Variants in LARGE1 observed in about 807,000 individuals in gnomAD.
The protein encoded by LARGE1 is xylosyl- and glucuronyltransferase LARGE1.
A neutral mutation model predicts 87.6 loss-of-function variants in LARGE1; 43 were observed. That is an observed-to-expected ratio of 0.49 (90% CI 0.38 to 0.63). LARGE1 has a LOEUF of 0.63. LARGE1 is among the 30% of genes least tolerant of loss of function. The pLI is 0.00. For missense variants in LARGE1, 802 were observed against 1,000.2 expected, an observed-to-expected ratio of 0.80 and a Z score of 2.67; for synonymous variants, 434 against 394.6, an observed-to-expected ratio of 1.10 and a Z score of -1.18.
chr22:33,535,353 G>A (rs770741888), intron 6 of LARGE1, among the ~76,000 whole-genome samples: 44 of 152,112 alleles, frequency 2.9e-4, no homozygotes, highest in Non-Finnish European at 5.0e-4. Flanking sequence ...AGATCAGCCC[G>A]GCCAACATGG....
At chr22:33,238,195 C>A (rs941094396) in intron 11 of LARGE1, among the ~76,000 whole-genome samples, 2 of 152,018 alleles carry the variant, frequency 1.3e-5, no homozygotes, top group Admixed American at 6.5e-5. Context: ...AGGTTAAAAT[C>A]AAATTAGATG....
Position 33,690,450 on chromosome 22 carries a change from T to C in LARGE1, c.107-39782A>G, listed in dbSNP as rs1014040866. On this transcript the variant is annotated intron_variant, in intron 2 of 14. Coordinates refer to ENST00000397394, the MANE Select transcript of LARGE1 (RefSeq NM_133642.5). ...CTCCCAGCAACCCCAGAAATAGGTA[T>C]CTACATCCCCAGGTAAGGCTGGAAG... 2.6e-5 allele frequency among the ~76,000 whole-genome samples: 4 copies of C among 152,032 alleles called. No individual in the cohort carries two copies. The East Asian group carries it at 5.8e-4, about 22-fold the overall frequency.
At position 33,469,700 on chromosome 22, in the gene LARGE1, C is replaced by A. The variant is rs1363881007; in HGVS notation, c.788-37435G>T. Among the ~76,000 whole-genome samples the A allele has an allele frequency of 4.0e-5, 6 of 151,778 alleles. No individual in the cohort carries two copies. In the East Asian group the frequency reaches 1.2e-3, roughly 30 times the overall value. On this transcript the variant is annotated intron_variant, in intron 6 of 14. Transcript: ENST00000397394. ...GAAATTAGCTAGGCATGGGGGCATGCACCTGTAATTCCAGCTACTCGAGAG... is the reference window on the plus strand; with the variant it reads ...GAAATTAGCTAGGCATGGGGGCATGAACCTGTAATTCCAGCTACTCGAGAG...
the LARGE1 span, among the ~76,000 whole-genome samples, chr22:33,088,473 A>C: frequency 2.0e-5 from 3 of 152,314 alleles, no homozygotes; most frequent in East Asian, 5.8e-4. Flanking sequence ...TAGTGTTTTT[A>C]TCGTGTCTGT....
chr22:33,415,268 T>C (rs913883127), intron 7 of LARGE1, among the ~76,000 whole-genome samples: 1 of 152,218 alleles, frequency 6.6e-6, no homozygotes, highest in African/African-American at 2.4e-5. Context: ...AGCTCTGTGA[T>C]GTAATTAGCA....
intron 6 of LARGE1, among the ~76,000 whole-genome samples, chr22:33,452,895 C>A (rs1034791282): frequency 6.6e-6 from 1 of 152,156 alleles, no homozygotes. Flanking sequence ...AAGAAATGAA[C>A]CCTGCACAAT....
chr22:33,093,822 CTTTT>C, the LARGE1 span, among the ~76,000 whole-genome samples: 164 of 81,574 alleles, frequency 2.0e-3, no homozygotes, highest in African/African-American at 6.8e-3. Context: ...TTCTTTCTTT[CTTTT>C]TTTTTTTTTT....
intron 11 of LARGE1, among the ~76,000 whole-genome samples, chr22:33,214,892 C>T (rs893655558): frequency 2.6e-5 from 4 of 152,144 alleles, no homozygotes; most frequent in Admixed American, 2.6e-4. Flanking sequence ...GAGTGCTGGG[C>T]CAGAAAGCAG....
At chr22:33,561,616 T>A (rs950234476) in intron 6 of LARGE1, among the ~76,000 whole-genome samples, 1 of 152,202 alleles carries the variant, frequency 6.6e-6, no homozygotes, top group Non-Finnish European at 1.5e-5. Flanking sequence ...AGTAAGCTAT[T>A]TGGCACCTAG....
In LARGE1 at chr22:33,196,955, T is replaced by C. The variant is rs189726477; in HGVS notation, c.1731-30123A>G. On this transcript the variant is annotated intron_variant, in intron 11 of 11. Coordinates refer to the LARGE1 transcript ENST00000608642. Reference sequence around the variant, plus strand: ...AACATACTAGCATAATGTGTAAAACTGATAATTCCCCATGATGTGGTTTTC... The same window carrying C: ...AACATACTAGCATAATGTGTAAAACCGATAATTCCCCATGATGTGGTTTTC... 3.0e-3 allele frequency among the ~76,000 whole-genome samples: 458 copies of C among 152,288 alleles called. 5 individuals are homozygous for C. Among genetic ancestry groups the C allele is most frequent in the Middle Eastern group, 3.4e-3 (1 of 294 alleles).
chr22:33,711,869 T>C (rs80096268), intron 2 of LARGE1, among the ~76,000 whole-genome samples: 4,028 of 152,232 alleles, frequency 0.026, 198 homozygotes, highest in African/African-American at 0.092. Context: ...CTATGTTGCG[T>C]AGGTCACTCT....
intron 6 of LARGE1, among the ~76,000 whole-genome samples, chr22:33,530,771 T>C (rs2072158731): frequency 6.6e-6 from 1 of 152,218 alleles, no homozygotes; most frequent in South Asian, 2.1e-4. Flanking sequence ...CCCTGTGTGA[T>C]GAACTGTCAT....
chr22:33,450,056 C>T (rs1474685005), intron 6 of LARGE1, among the ~76,000 whole-genome samples: 6 of 151,942 alleles, frequency 3.9e-5, no homozygotes, highest in Non-Finnish European at 5.9e-5. Context: ...GAACTACAGG[C>T]ACCCGCCACC....
At chr22:33,557,203 T>A (rs2077716423) in intron 6 of LARGE1, among the ~76,000 whole-genome samples, 1 of 152,160 alleles carries the variant, frequency 6.6e-6, no homozygotes, top group African/African-American at 2.4e-5. Context: ...TTCTAATATA[T>A]AAGACAAGGC....
intron 11 of LARGE1, among the ~76,000 whole-genome samples, chr22:33,261,791 T>C (rs1210976490): frequency 1.3e-5 from 2 of 152,184 alleles, no homozygotes; most frequent in African/African-American, 4.8e-5. Context: ...GCCTGTTTTC[T>C]CATCTCTGAA....
chr22:33,291,590 T>C (rs560046137), intron 12 of LARGE1, among the ~76,000 whole-genome samples: 1 of 152,048 alleles, frequency 6.6e-6, no homozygotes, highest in African/African-American at 2.4e-5. Flanking sequence ...AATACATTAA[T>C]GCATAATGTA....
chr22:33,623,107 T>C (rs2079807045), intron 4 of LARGE1, among the ~76,000 whole-genome samples: 1 of 151,016 alleles, frequency 6.6e-6, no homozygotes, highest in Admixed American at 6.6e-5. Flanking sequence ...TACCTGTACA[T>C]CATGCAAAGG....
chr22:33,497,672 TAGA>T (rs748032040), intron 6 of LARGE1, among the ~76,000 whole-genome samples: 6 of 152,196 alleles, frequency 3.9e-5, no homozygotes, highest in Non-Finnish European at 7.3e-5. Context: ...ACTCTTCTTC[TAGA>T]AGAAGGCATC....
At chr22:33,859,004 A>T (rs1469678608) in intron 1 of LARGE1, among the ~76,000 whole-genome samples, 1 of 151,118 alleles carries the variant, frequency 6.6e-6, no homozygotes, top group East Asian at 2.0e-4. Context: ...GAACACATGG[A>T]CACAGGGAGG....
Sources: allele counts gnomAD v4.1 joint callset (sites outside exome capture counted in the v4.1 genomes callset), GRCh38; gene constraint gnomAD v4.1.1; transcripts MANE v1.5; gene names NCBI Gene and HGNC (gene_info 2026-07-23, HGNC 2026-07-21).